The following CAMSAP2 variants were observed in gnomAD, a reference collection of about 807,000 sequenced individuals.
The protein encoded by CAMSAP2 is calmodulin-regulated spectrin-associated protein 2.
In CAMSAP2, 26 loss-of-function variants were observed where a neutral mutation model predicts 146.1. The ratio of observed to expected loss-of-function variants is 0.18; its 90% CI spans 0.13 to 0.25. The LOEUF is 0.25. Ranked by LOEUF, CAMSAP2 falls within the 10% of genes least tolerant of loss-of-function variation. The pLI is 1.00. For synonymous variants in CAMSAP2, 499 were observed against 596.6 expected, an observed-to-expected ratio of 0.84 and a Z score of 2.38; for missense variants, 1,381 against 1,759.3, an observed-to-expected ratio of 0.78 and a Z score of 3.85.
intron 14 of CAMSAP2, among the ~76,000 whole-genome samples, chr1:200,855,503 C>T (rs542969916): frequency 2.1e-4 from 32 of 152,154 alleles, no homozygotes; most frequent in African/African-American, 7.0e-4. Context: ...AAAACATTCA[C>T]TCTTTCAACA....
At position 200,857,615 on chromosome 1, in the gene CAMSAP2, C is replaced by CATTT. The variant is rs1316779596; in HGVS notation, c.4132-138_4132-137insTTTA. 4.6e-5 allele frequency: 39 copies of CATTT among 854,094 alleles called. No homozygotes were observed. The highest frequency in any genetic ancestry group is 2.3e-5 in the Non-Finnish European group (13 of 562,178). The allele number at this position is 854,094 out of a possible 1,614,324, so 52.9% of individuals were successfully genotyped here. A position where few individuals can be genotyped will look rare whatever the true frequency, so the allele number is the denominator to read the frequency against. The stretch of plus-strand genomic sequence containing the variant: ...GCCTGCAGATTTTATTAAAGACTAG[C>CATTT]AATAGGCTTTAAGATTTGTCATTGA... On this transcript the variant is annotated intron_variant, in intron 16 of 16. Coordinates refer to ENST00000358823, the MANE Select transcript of CAMSAP2 (RefSeq NM_203459.4). The surrounding 1 kb of genome is among the most constrained non-coding windows in gnomAD (Gnocchi z 4.7).
intron 8 of CAMSAP2, among the ~76,000 whole-genome samples, chr1:200,846,023 G>A (rs1480321946): frequency 2.0e-5 from 3 of 152,042 alleles, no homozygotes; most frequent in Non-Finnish European, 4.4e-5. Flanking sequence ...TATTGACTTT[G>A]GACTCCCTAA....
chr1:200,788,788 C>T (rs1665667126), intron 2 of CAMSAP2, among the ~76,000 whole-genome samples: 1 of 151,308 alleles, frequency 6.6e-6, no homozygotes, highest in East Asian at 1.9e-4. Context: ...ATTACAGGTG[C>T]CTGCCACCAT....
intron 2 of CAMSAP2, among the ~76,000 whole-genome samples, chr1:200,768,737 T>C (rs113915395): frequency 6.6e-6 from 1 of 152,104 alleles, no homozygotes; most frequent in Non-Finnish European, 1.5e-5. Context: ...CACTGCAACC[T>C]CCATCTCCCA....
At chr1:200,856,955 C>G (rs1196115174) in intron 15 of CAMSAP2, among the ~76,000 whole-genome samples, 1 of 151,886 alleles carries the variant, frequency 6.6e-6, no homozygotes, top group Non-Finnish European at 1.5e-5. Context: ...TTTTTTTTGC[C>G]TTTTGAAAAG....
Position 200,860,383 on chromosome 1 carries a change from C to T in CAMSAP2, c.*2324C>T, listed in dbSNP as rs184904954. 2 of 152,784 alleles carry T rather than the reference C, an allele frequency of 1.3e-5. No homozygotes were observed. Among genetic ancestry groups the T allele is most frequent in the East Asian group, 1.9e-4 (1 of 5,328 alleles). The allele number at this position is 152,784 out of a possible 1,614,324, so 9.5% of individuals were successfully genotyped here. ...TCCATTAAGTTTGCCAAACATTTGT[C>T]GTGGTTACCAGTGCAGCCTGTCAAA... On this transcript the variant is annotated 3_prime_UTR_variant, in exon 17 of 17. Transcript: ENST00000358823.
rs758727080 is a variant in CAMSAP2, at chr1:200,849,573, C to G, written c.2804C>G (p.Pro935Arg). 1.9e-6 allele frequency: 3 copies of G among 1,614,190 alleles called. No individual in the cohort carries two copies. Among genetic ancestry groups the G allele is most frequent in the Non-Finnish European group, 2.5e-6 (3 of 1,180,024 alleles). Residue 935 changes from proline to arginine, a missense_variant, in exon 11 of 17, where the codon CCT (proline) becomes CGT (arginine). Coordinates refer to ENST00000358823, the MANE Select transcript of CAMSAP2 (RefSeq NM_203459.4). This position sits in a 1 kb window ranked among gnomAD's most constrained non-coding sequence, Gnocchi z 6.3. ...CAGAAACAGATTCGAGATTTTAAGCCTTCTAAGCAGGCAGGCCTGTCATCA... is the reference window on the plus strand; with the variant it reads ...CAGAAACAGATTCGAGATTTTAAGCGTTCTAAGCAGGCAGGCCTGTCATCA... Reference protein sequence around the residue: ...SPQKQIRDFKPSKQAGLSSAI... With the variant: ...SPQKQIRDFKRSKQAGLSSAI...
rs778675596 is a variant in CAMSAP2, at chr1:200,856,004, A to G, written c.3897-6A>G. ...AGACATAAAACATATTTTATTTTCT[A>G]ATTAGATCAGAGTCTGTAGAAGGCT... On this transcript the variant is annotated splice_polypyrimidine_tract_variant and splice_region_variant and intron_variant, in intron 14 of 16. Transcript: ENST00000358823. 6 of 1,581,100 alleles carry G rather than the reference A, an allele frequency of 3.8e-6. No homozygotes were observed. In the South Asian group the frequency reaches 6.7e-5, roughly 18 times the overall value.
chr1:200,815,893 AAC>A (rs1225500363), intron 4 of CAMSAP2, among the ~76,000 whole-genome samples: 3 of 152,256 alleles, frequency 2.0e-5, no homozygotes, highest in Non-Finnish European at 4.4e-5. Flanking sequence ...TGTCAAAAAT[AAC>A]AGTTTGCCTT....
intron 2 of CAMSAP2, among the ~76,000 whole-genome samples, chr1:200,807,028 G>A (rs1185151666): frequency 3.3e-5 from 5 of 152,284 alleles, no homozygotes; most frequent in Admixed American, 2.6e-4. Context: ...CTATGTGGGT[G>A]AGAAGAATGA....
At chr1:200,760,322 G>A (rs773907136) in intron 1 of CAMSAP2, among the ~76,000 whole-genome samples, 33 of 152,162 alleles carry the variant, frequency 2.2e-4, no homozygotes, top group Non-Finnish European at 4.1e-4. Flanking sequence ...TGAAGGGAGA[G>A]ACGGCAGAGG....
intron 6 of CAMSAP2, among the ~76,000 whole-genome samples, chr1:200,836,005 ATTTTCTACAGAAAGGGCTTTGG>A (rs1429675076): frequency 6.6e-6 from 1 of 152,018 alleles, no homozygotes; most frequent in Non-Finnish European, 1.5e-5. Context: ...TTAAACTATG[ATTTTCTACAGAAAGGGCTTTGG>A]TCACTTTCTA....
At chr1:200,851,680 TCTC>T (rs1394776492) in intron 11 of CAMSAP2, among the ~76,000 whole-genome samples, 1 of 152,196 alleles carries the variant, frequency 6.6e-6, no homozygotes, top group East Asian at 1.9e-4. Context: ...TTGTACCTCT[TCTC>T]CTTGTGATTT....
At chr1:200,847,759 A>T (rs147992042) in intron 10 of CAMSAP2, 50 bp downstream of exon 10, 1 of 1,428,788 alleles carries the variant, frequency 7.0e-7, no homozygotes, top group South Asian at 1.2e-5. Context: ...AAGAAATGCA[A>T]ATTGCATCTG....
chr1:200,824,855 C>T (rs771641433), intron 4 of CAMSAP2, among the ~76,000 whole-genome samples: 16 of 152,088 alleles, frequency 1.1e-4, no homozygotes, highest in African/African-American at 1.7e-4. Flanking sequence ...GGCATGCGCC[C>T]GTAATCCCAG....
chr1:200,819,968 AT>A (rs1666705029), intron 4 of CAMSAP2, among the ~76,000 whole-genome samples: 1 of 152,162 alleles, frequency 6.6e-6, no homozygotes, highest in Admixed American at 6.5e-5. Context: ...GAGTGGATGA[AT>A]TTGGCAGAAT....
chr1:200,795,068 C>A lies in CAMSAP2; in HGVS notation c.400-12308C>A, dbSNP rs146703198. On this transcript the variant is annotated intron_variant, in intron 2 of 16. Transcript: ENST00000358823. ...AGTAAGTGGCAGAGTTGGGATTAAA[C>A]CTAGGTACTCTGCTTAAATGGTCTT... 8.0e-3 allele frequency among the ~76,000 whole-genome samples: 1,211 copies of A among 152,264 alleles called. 13 individuals are homozygous for A. Among genetic ancestry groups the A allele is most frequent in the South Asian group, 0.028 (133 of 4,824 alleles).
intron 11 of CAMSAP2, 62 bp downstream of exon 11, chr1:200,850,296 ATT>A (rs150601775): frequency 6.0e-6 from 8 of 1,333,684 alleles, no homozygotes; most frequent in Non-Finnish European, 7.0e-6. Flanking sequence ...TGTGTTGGAT[ATT>A]TTTTTTTTCA....
chr1:200,776,692 C>T (rs1404590400), intron 2 of CAMSAP2, among the ~76,000 whole-genome samples: 3 of 151,850 alleles, frequency 2.0e-5, no homozygotes, highest in Non-Finnish European at 4.4e-5. Flanking sequence ...CCACTGCACT[C>T]CAGCCTGGGC....
Sources: allele counts gnomAD v4.1 joint callset (sites outside exome capture counted in the v4.1 genomes callset), GRCh38; gene constraint gnomAD v4.1.1; non-coding constraint Gnocchi (gnomAD v3.1); transcripts MANE v1.5; gene names NCBI Gene and HGNC (gene_info 2026-07-23, HGNC 2026-07-21).